Variants in CLYBL observed in about 807,000 individuals in gnomAD.
CLYBL encodes citramalyl-CoA lyase.
Under a neutral mutation model 38.9 loss-of-function variants are expected in CLYBL, and 31 were observed. The ratio of observed to expected loss-of-function variants is 0.80; its 90% CI spans 0.60 to 1.08. The LOEUF is 1.08. CLYBL is among the 50% of genes least tolerant of loss of function. The pLI is 0.00. For missense variants in CLYBL, 434 were observed against 411.6 expected (o/e 1.05, Z -0.47); for synonymous variants, 171 against 158.6 (o/e 1.08, Z -0.59).
chr13:99,707,465 G>C (rs2139479029), intron 1 of CLYBL, among the ~76,000 whole-genome samples: 1 of 152,114 alleles, frequency 6.6e-6, no homozygotes, highest in South Asian at 2.1e-4. Context: ...GTAGAGACGG[G>C]ATTTCACCGT....
At chr13:99,741,724 G>T (rs2048759738) in intron 1 of CLYBL, among the ~76,000 whole-genome samples, 1 of 152,274 alleles carries the variant, frequency 6.6e-6, no homozygotes, top group Middle Eastern at 3.4e-3. Flanking sequence ...TGATCCACCT[G>T]CCTTGGCCTC....
chr13:99,765,928 T>G (rs9585212), intron 1 of CLYBL, among the ~76,000 whole-genome samples: 2,234 of 150,330 alleles, frequency 0.015, 54 homozygotes, highest in African/African-American at 0.052. Context: ...CAAAGCTCAC[T>G]GCAGTCTCGA....
intron 1 of CLYBL, among the ~76,000 whole-genome samples, chr13:99,698,853 G>T (rs964240816): frequency 6.6e-6 from 1 of 152,134 alleles, no homozygotes; most frequent in Non-Finnish European, 1.5e-5. Context: ...CTGTGTGTCA[G>T]CATAAAAGCT....
intron 2 of CLYBL, among the ~76,000 whole-genome samples, chr13:99,841,812 CTTTTT>C (rs67827288): frequency 1.9e-5 from 2 of 105,390 alleles, no homozygotes; most frequent in East Asian, 5.3e-4. Context: ...TTTTCTTTTC[CTTTTT>C]TTTTTTTTTT....
rs761262046 is a variant in CLYBL, at chr13:99,864,979, T to C, written c.634+68T>C. The C allele has an allele frequency of 5.1e-6, 6 of 1,166,042 alleles. No homozygotes were observed. The South Asian group carries it at 7.3e-5, about 14-fold the overall frequency. 72.2% of individuals were successfully genotyped at this position (1,166,042 alleles called of 1,614,324 possible). A position where few individuals can be genotyped will look rare whatever the true frequency, so the allele number is the denominator to read the frequency against. The stretch of plus-strand genomic sequence containing the variant: ...TGTATATGTGTGTATATATTTTTTC[T>C]TTGCCCCTCAAGGATGGACATTTAC... On this transcript the variant is annotated intron_variant, in intron 5 of 8. Coordinates refer to ENST00000339105, the MANE Select transcript of CLYBL (RefSeq NM_206808.5).
chr13:99,826,205 G>A (rs1483918849), intron 2 of CLYBL, among the ~76,000 whole-genome samples: 2 of 152,212 alleles, frequency 1.3e-5, no homozygotes, highest in Admixed American at 6.5e-5. Context: ...CAACACTACA[G>A]TCAGTTGATT....
chr13:99,795,538 C>T (rs1475584362), intron 2 of CLYBL, among the ~76,000 whole-genome samples: 1 of 152,028 alleles, frequency 6.6e-6, no homozygotes, highest in African/African-American at 2.4e-5. Context: ...CTTGTGGTCC[C>T]AGTTACTCAG....
intron 1 of CLYBL, among the ~76,000 whole-genome samples, chr13:99,615,655 C>T (rs1158192362): frequency 1.3e-5 from 2 of 152,154 alleles, no homozygotes; most frequent in African/African-American, 4.8e-5. Context: ...GTAATTCAAA[C>T]AGGTTTAGTT....
intron 1 of CLYBL, among the ~76,000 whole-genome samples, chr13:99,712,754 T>C (rs570263349): frequency 1.1e-4 from 16 of 152,324 alleles, no homozygotes; most frequent in Admixed American, 9.8e-4. Context: ...TTTAAAGGAA[T>C]TCCTTCTGGA....
chr13:99,724,922 G>T (rs1267474285), intron 1 of CLYBL, among the ~76,000 whole-genome samples: 1 of 152,186 alleles, frequency 6.6e-6, no homozygotes, highest in Non-Finnish European at 1.5e-5. Flanking sequence ...AAAAGGGATT[G>T]GGGTAGTTCA....
chr13:99,642,256 G>T (rs1443637292), intron 1 of CLYBL, among the ~76,000 whole-genome samples: 1 of 152,206 alleles, frequency 6.6e-6, no homozygotes, highest in African/African-American at 2.4e-5. Flanking sequence ...GCTGAGGCGT[G>T]CCTCTAGTGA....
intron 2 of CLYBL, among the ~76,000 whole-genome samples, chr13:99,799,076 T>C (rs568166183): frequency 5.3e-5 from 8 of 152,158 alleles, no homozygotes; most frequent in Non-Finnish European, 7.4e-5. Flanking sequence ...AAACGAGAAA[T>C]GGCCAAACAT....
chr13:99,767,661 C>T (rs2049294806), intron 1 of CLYBL, among the ~76,000 whole-genome samples: 1 of 152,152 alleles, frequency 6.6e-6, no homozygotes, highest in African/African-American at 2.4e-5. Context: ...TTCTGATCCT[C>T]AGACTTGATA....
intron 1 of CLYBL, among the ~76,000 whole-genome samples, chr13:99,632,979 A>T (rs1437018596): frequency 7.4e-6 from 1 of 135,912 alleles, no homozygotes; most frequent in Non-Finnish European, 1.6e-5. Context: ...AGTGTCTCAC[A>T]CCTGTAATCC....
chr13:99,696,197 A>T (rs1467846518), intron 1 of CLYBL, among the ~76,000 whole-genome samples: 2 of 151,572 alleles, frequency 1.3e-5, no homozygotes, highest in Admixed American at 6.6e-5. Flanking sequence ...AAGTTATGGG[A>T]TGTATAGAAG....
intron 1 of CLYBL, among the ~76,000 whole-genome samples, chr13:99,769,145 G>T (rs1594170134): frequency 6.6e-6 from 1 of 152,196 alleles, no homozygotes; most frequent in East Asian, 1.9e-4. Flanking sequence ...GCCTACCCTG[G>T]CTCCCTCAAG....
At chr13:99,737,287 A>AG (rs2048683394) in intron 1 of CLYBL, among the ~76,000 whole-genome samples, 1 of 152,198 alleles carries the variant, frequency 6.6e-6, no homozygotes, top group African/African-American at 2.4e-5. Flanking sequence ...TGGAGGTCAG[A>AG]GGGGAAGGGG....
chr13:99,686,995 T>G (rs921165126), intron 1 of CLYBL, among the ~76,000 whole-genome samples: 4 of 152,190 alleles, frequency 2.6e-5, no homozygotes, highest in Middle Eastern at 3.2e-3. Context: ...ACTTCTTAAC[T>G]TCCCAGCCCT....
At chr13:99,718,639 T>C (rs1221418888) in intron 1 of CLYBL, among the ~76,000 whole-genome samples, 4 of 152,230 alleles carry the variant, frequency 2.6e-5, no homozygotes, top group African/African-American at 9.6e-5. Flanking sequence ...TTTCTGCTTC[T>C]GGTTGTGAGT....
Sources: gnomAD v4.1 joint callset for allele counts (sites outside exome capture counted in the v4.1 genomes callset) on GRCh38, gnomAD v4.1.1 for gene constraint, MANE v1.5 for transcripts, NCBI Gene and HGNC (gene_info 2026-07-23, HGNC 2026-07-21) for gene names.